Variants in SOX6 observed in about 807,000 individuals in gnomAD.
SOX6 encodes the protein SRY-box transcription factor 6.
In SOX6, 11 loss-of-function variants were observed where a neutral mutation model predicts 97.8. That is an observed-to-expected ratio of 0.11 (90% confidence interval 0.07 to 0.19). The LOEUF (loss-of-function observed/expected upper bound fraction) is 0.19. SOX6 is among the 10% of genes least tolerant of loss of function. SOX6 has a pLI of 1.00. For synonymous variants in SOX6, 360 were observed against 371.4 expected (o/e 0.97, Z 0.35); for missense variants, 810 against 1,039.5 (o/e 0.78, Z 3.04).
At chr11:16,174,277 A>C (rs753981459) in intron 6 of SOX6, among the ~76,000 whole-genome samples, 1 of 151,936 alleles carries the variant, frequency 6.6e-6, no homozygotes, top group African/African-American at 2.4e-5. Flanking sequence ...GTTAGAGTCC[A>C]GACTACAACC....
At chr11:16,150,261 T>C (rs992005441) in intron 6 of SOX6, among the ~76,000 whole-genome samples, 3 of 152,154 alleles carry the variant, frequency 2.0e-5, no homozygotes, top group African/African-American at 7.2e-5. Flanking sequence ...CTTTTATAAG[T>C]AACCACTATT....
chr11:16,627,870 C>G (rs1848646008), intron 3 of SOX6, among the ~76,000 whole-genome samples: 1 of 152,148 alleles, frequency 6.6e-6, no homozygotes, highest in African/African-American at 2.4e-5. Context: ...AATTCTTTAG[C>G]AAGGCTGAAG....
chr11:16,680,944 C>T (rs185164496), intron 3 of SOX6, among the ~76,000 whole-genome samples: 1 of 152,144 alleles, frequency 6.6e-6, no homozygotes, highest in Non-Finnish European at 1.5e-5. Context: ...ACAGGAGCAC[C>T]CAGATTCATA....
intron 6 of SOX6, among the ~76,000 whole-genome samples, chr11:16,182,777 C>T (rs1851377522): frequency 6.6e-6 from 1 of 151,820 alleles, no homozygotes; most frequent in Non-Finnish European, 1.5e-5. Flanking sequence ...CAAATTAGTA[C>T]TTTAAGTGCA....
chr11:16,100,750 C>CT (rs1000262588), intron 7 of SOX6, among the ~76,000 whole-genome samples: 1 of 148,938 alleles, frequency 6.7e-6, no homozygotes, highest in Non-Finnish European at 1.5e-5. Context: ...TAAAGTCTAC[C>CT]TTTTAAAAAA....
upstream of SOX6, among the ~76,000 whole-genome samples, chr11:16,480,655 C>CA (rs1554970230): frequency 3.2e-4 from 48 of 149,450 alleles, no homozygotes; most frequent in Non-Finnish European, 6.0e-4. Flanking sequence ...ACCCCCCCCC[C>CA]ACCTTCTTTT....
At position 16,000,326 on chromosome 11, in the gene SOX6, A is replaced by G. The variant is rs559506535; in HGVS notation, c.1733-11096T>C. On this transcript the variant is annotated intron_variant, in intron 13 of 15. Transcript: ENST00000683767. ...TGTGTTCATCTTCTGAGAAGAAGAAATGCCAGAGATGTAGAGTATGCTTTG... is the reference window on the plus strand; with the variant it reads ...TGTGTTCATCTTCTGAGAAGAAGAAGTGCCAGAGATGTAGAGTATGCTTTG... Among the ~76,000 whole-genome samples, 4 of 152,356 alleles carry G rather than the reference A, an allele frequency of 2.6e-5. No individual in the cohort carries two copies. The South Asian group carries it at 8.3e-4, about 32-fold the overall frequency.
chr11:16,287,201 T>C (rs527551082), intron 3 of SOX6, among the ~76,000 whole-genome samples: 2 of 151,930 alleles, frequency 1.3e-5, no homozygotes, highest in African/African-American at 4.8e-5. Flanking sequence ...AGAGATGCTA[T>C]ATTGTGCTAT....
At chr11:16,020,406 T>C (rs749478490) in intron 12 of SOX6, among the ~76,000 whole-genome samples, 3 of 152,098 alleles carry the variant, frequency 2.0e-5, no homozygotes, top group African/African-American at 7.2e-5. Context: ...AGAGTTCTAC[T>C]TCATGTCTCT....
At chr11:16,075,531 T>C (rs1848333887) in intron 9 of SOX6, among the ~76,000 whole-genome samples, 1 of 152,124 alleles carries the variant, frequency 6.6e-6, no homozygotes, top group Admixed American at 6.5e-5. Flanking sequence ...CTGGAAACCA[T>C]CATTCTCAGC....
At chr11:16,651,575 C>G (rs535278601) in intron 3 of SOX6, among the ~76,000 whole-genome samples, 6 of 152,126 alleles carry the variant, frequency 3.9e-5, no homozygotes, top group East Asian at 1.9e-4. Context: ...ATCCAGCATC[C>G]CTTTATGATT....
chr11:16,401,605 C>G (rs556163791), intron 1 of SOX6, among the ~76,000 whole-genome samples: 1 of 151,588 alleles, frequency 6.6e-6, no homozygotes, highest in South Asian at 2.1e-4. Flanking sequence ...TTTCAACTTT[C>G]CAGTCTCGCT....
intron 4 of SOX6, among the ~76,000 whole-genome samples, chr11:16,191,023 G>A (rs1173770609): frequency 6.6e-6 from 1 of 152,090 alleles, no homozygotes; most frequent in Non-Finnish European, 1.5e-5. Context: ...ACTTTACCAT[G>A]GCAAAGGAAC....
intron 13 of SOX6, among the ~76,000 whole-genome samples, chr11:15,990,987 A>G (rs931968390): frequency 2.0e-5 from 3 of 152,132 alleles, no homozygotes; most frequent in Non-Finnish European, 2.9e-5. Context: ...TATTTAGCAA[A>G]TATGGTTATC....
At chr11:16,574,469 T>C (rs1039738212) in intron 4 of SOX6, among the ~76,000 whole-genome samples, 7 of 152,088 alleles carry the variant, frequency 4.6e-5, no homozygotes, top group Admixed American at 3.3e-4. Flanking sequence ...CTTTAGACAG[T>C]ATACCAAAAC....
At chr11:16,066,336 C>A (rs554640261) in intron 9 of SOX6, among the ~76,000 whole-genome samples, 1 of 152,236 alleles carries the variant, frequency 6.6e-6, no homozygotes, top group African/African-American at 2.4e-5. Context: ...CTATGGAGCA[C>A]AATTTGGAGG....
chr11:16,259,945 A>G (rs922603179), intron 3 of SOX6, among the ~76,000 whole-genome samples: 8 of 149,036 alleles, frequency 5.4e-5, no homozygotes, highest in African/African-American at 2.0e-4. Flanking sequence ...TGTCCCAAAT[A>G]TGTGTGTGTG....
At chr11:15,996,201 T>C (rs1854218787) in intron 13 of SOX6, among the ~76,000 whole-genome samples, 1 of 152,220 alleles carries the variant, frequency 6.6e-6, no homozygotes, top group Admixed American at 6.5e-5. Flanking sequence ...AATAGCATAT[T>C]ACCACAAAAG....
At chr11:16,587,317 C>T (rs2133970740) in intron 4 of SOX6, among the ~76,000 whole-genome samples, 1 of 152,218 alleles carries the variant, frequency 6.6e-6, no homozygotes, top group Admixed American at 6.5e-5. Flanking sequence ...AAGTTCCTTT[C>T]CTATAAAACT....
Sources: gnomAD v4.1 joint callset for allele counts (sites outside exome capture counted in the v4.1 genomes callset) on GRCh38, gnomAD v4.1.1 for gene constraint, MANE v1.5 for transcripts, NCBI Gene and HGNC (gene_info 2026-07-23, HGNC 2026-07-21) for gene names.